PDSS2: variants seen among roughly 807,000 people sequenced by gnomAD.
PDSS2 encodes all trans-polyprenyl-diphosphate synthase PDSS2.
In PDSS2, 31 loss-of-function variants were observed where a neutral mutation model predicts 44.5. The ratio of observed to expected loss-of-function variants is 0.70; its 90% CI spans 0.52 to 0.94. The LOEUF (loss-of-function observed/expected upper bound fraction) is 0.94. Ranked by LOEUF, PDSS2 falls within the 40% of genes least tolerant of loss-of-function variation. PDSS2 has a pLI of 0.00. For synonymous variants in PDSS2, 157 were observed against 180.3 expected, an observed-to-expected ratio of 0.87 and a Z score of 1.03; for missense variants, 452 against 482.2, an observed-to-expected ratio of 0.94 and a Z score of 0.59.
At chr6:107,242,637 G>C (rs1285010520) in intron 4 of PDSS2, among the ~76,000 whole-genome samples, 1 of 152,166 alleles carries the variant, frequency 6.6e-6, no homozygotes, top group Admixed American at 6.5e-5. Flanking sequence ...CAAACTCCTG[G>C]GTTCCAGTGA....
chr6:107,414,137 A>G (rs1179461296), intron 1 of PDSS2, among the ~76,000 whole-genome samples: 1 of 152,250 alleles, frequency 6.6e-6, no homozygotes, highest in African/African-American at 2.4e-5. Context: ...CTATTTTGGG[A>G]GAATTATGTG....
chr6:107,380,118 A>G (rs1779411473), intron 1 of PDSS2, among the ~76,000 whole-genome samples: 1 of 152,188 alleles, frequency 6.6e-6, no homozygotes. Flanking sequence ...TGTAGGTGTC[A>G]GAGGCTTCAG....
At chr6:107,176,720 CA>C (rs1427127530) in intron 7 of PDSS2, among the ~76,000 whole-genome samples, 5 of 152,124 alleles carry the variant, frequency 3.3e-5, no homozygotes, top group Admixed American at 2.0e-4. Context: ...CATAACTGAA[CA>C]GATATAACCA....
At chr6:107,333,932 G>A (rs553356793) in intron 2 of PDSS2, among the ~76,000 whole-genome samples, 2 of 152,214 alleles carry the variant, frequency 1.3e-5, no homozygotes, top group East Asian at 3.9e-4. Flanking sequence ...AATAAGGGGA[G>A]GGAGAAGTGA....
chr6:107,388,125 C>G (rs865927212), intron 1 of PDSS2, among the ~76,000 whole-genome samples: 1 of 152,106 alleles, frequency 6.6e-6, no homozygotes, highest in Non-Finnish European at 1.5e-5. Context: ...TTTCCTCACC[C>G]CGACAGCCAC....
intron 1 of PDSS2, among the ~76,000 whole-genome samples, chr6:107,339,197 T>A (rs1356296821): frequency 1.3e-5 from 2 of 152,230 alleles, no homozygotes; most frequent in East Asian, 3.8e-4. Flanking sequence ...GCCTGGAATA[T>A]GTGACATCTG....
At chr6:107,434,034 G>T (rs1363860190) in intron 1 of PDSS2, among the ~76,000 whole-genome samples, 2 of 152,236 alleles carry the variant, frequency 1.3e-5, no homozygotes, top group South Asian at 2.1e-4. Flanking sequence ...AGAAATAAAT[G>T]CAAATCAAAA....
chr6:107,212,887 C>T (rs1346745399), intron 4 of PDSS2, among the ~76,000 whole-genome samples: 1 of 151,722 alleles, frequency 6.6e-6, no homozygotes, highest in Non-Finnish European at 1.5e-5. Flanking sequence ...CCCTGTAGTC[C>T]TGACTACTCA....
chr6:107,220,216 T>C (rs1773555494), intron 4 of PDSS2, among the ~76,000 whole-genome samples: 1 of 152,132 alleles, frequency 6.6e-6, no homozygotes, highest in African/African-American at 2.4e-5. Flanking sequence ...GGGTGAATTT[T>C]ATGACATAAA....
At position 107,411,866 on chromosome 6, in the gene PDSS2, ACTTCTT is replaced by A. The variant is rs199528764; in HGVS notation, c.296+47118_296+47123del. Reference sequence around the variant, plus strand: ...CTCACTGATACTGAGGAATAACTGTACTTCTTCTTCTTCTTTTTTTTTTTTTTTTTT... The same window carrying A: ...CTCACTGATACTGAGGAATAACTGTACTTCTTCTTTTTTTTTTTTTTTTTT... On this transcript the variant is annotated intron_variant, in intron 1 of 7. Coordinates refer to ENST00000369037, the MANE Select transcript of PDSS2 (RefSeq NM_020381.4). 7.6e-3 allele frequency among the ~76,000 whole-genome samples: 1,035 copies of A among 136,240 alleles called. 15 individuals carry two copies. Among genetic ancestry groups the A allele is most frequent in the Middle Eastern group, 0.011 (3 of 262 alleles). The allele number at this position is 136,240 out of a possible 152,430, so 89.4% of individuals were successfully genotyped here.
chr6:107,306,456 A>G (rs542807178), intron 2 of PDSS2, among the ~76,000 whole-genome samples: 6 of 152,298 alleles, frequency 3.9e-5, no homozygotes, highest in Non-Finnish European at 7.3e-5. Flanking sequence ...GTGGAACTGT[A>G]AGTCCAATCA....
At chr6:107,375,939 A>C (rs1013493610) in intron 1 of PDSS2, among the ~76,000 whole-genome samples, 3 of 152,056 alleles carry the variant, frequency 2.0e-5, no homozygotes, top group Non-Finnish European at 4.4e-5. Context: ...CAGAAAAAGC[A>C]TTTGACAAAA....
At chr6:107,195,162 C>T (rs1270070844) in intron 6 of PDSS2, among the ~76,000 whole-genome samples, 1 of 151,434 alleles carries the variant, frequency 6.6e-6, no homozygotes, top group African/African-American at 2.4e-5. Context: ...AGATTACTTC[C>T]GTGAGAGAAA....
At chr6:107,163,682 A>G (rs1450730974) in intron 7 of PDSS2, among the ~76,000 whole-genome samples, 2 of 151,802 alleles carry the variant, frequency 1.3e-5, no homozygotes, top group Non-Finnish European at 2.9e-5. Context: ...GGCTCACTGA[A>G]GCCTCTGTCT....
Position 107,210,590 on chromosome 6 carries a change from G to T in PDSS2, c.877-20C>A. ...ATTTATCTACAAGAAGCAATTAAAT[G>T]AGTAAATTAGTGAAATGTATATACA... On this transcript the variant is annotated intron_variant, in intron 5 of 7. Coordinates refer to ENST00000369037, the MANE Select transcript of PDSS2 (RefSeq NM_020381.4). 6.6e-7 allele frequency: 1 copy of T among 1,516,150 alleles called. No individual in the cohort carries two copies. The highest frequency in any genetic ancestry group is 1.1e-5 in the South Asian group (1 of 88,992). The allele number at this position is 1,516,150 out of a possible 1,614,324, so 93.9% of individuals were successfully genotyped here.
intron 2 of PDSS2, among the ~76,000 whole-genome samples, chr6:107,302,207 G>C (rs970588942): frequency 6.6e-6 from 1 of 151,888 alleles, no homozygotes; most frequent in Non-Finnish European, 1.5e-5. Context: ...ACGGTAGTAA[G>C]AGTATTTTGT....
At chr6:107,430,325 C>A (rs1781155810) in intron 1 of PDSS2, among the ~76,000 whole-genome samples, 1 of 151,944 alleles carries the variant, frequency 6.6e-6, no homozygotes, top group Admixed American at 6.6e-5. Flanking sequence ...CACGACAACA[C>A]CCTGTCTCTA....
intron 1 of PDSS2, among the ~76,000 whole-genome samples, chr6:107,345,433 C>A (rs529903330): frequency 6.6e-6 from 1 of 151,030 alleles, no homozygotes; most frequent in East Asian, 1.9e-4. Flanking sequence ...GGAATCACAT[C>A]AATTGTGCAA....
chr6:107,304,158 A>G (rs1046302798), intron 2 of PDSS2, among the ~76,000 whole-genome samples: 5 of 152,094 alleles, frequency 3.3e-5, no homozygotes, highest in African/African-American at 1.2e-4. Context: ...TACAGTGGGT[A>G]GTAGCTGCCA....
Sources: allele counts gnomAD v4.1 joint callset (sites outside exome capture counted in the v4.1 genomes callset), GRCh38; gene constraint gnomAD v4.1.1; transcripts MANE v1.5; gene names NCBI Gene and HGNC (gene_info 2026-07-23, HGNC 2026-07-21).